The following TTF1 variants were observed in gnomAD, a reference collection of about 807,000 sequenced individuals.
TTF1 encodes transcription termination factor, RNA polymerase I.
A neutral mutation model predicts 80.2 loss-of-function variants in TTF1; 64 were observed. That is an observed-to-expected ratio of 0.80 (90% CI 0.65 to 0.98). The LOEUF is 0.98. Among genes scored for constraint, TTF1 ranks in the 50% least tolerant of loss-of-function variants. The probability of loss-of-function intolerance (pLI) is 0.00; values close to 1 mark genes in which losing one functional copy is unlikely to be tolerated. For missense variants in TTF1, 1,023 were observed against 1,086.2 expected (o/e 0.94, Z 0.82); for synonymous variants, 372 against 382.7 (o/e 0.97, Z 0.33).
chr9:132,379,205 C>G, intron 9 of TTF1, 61 bp from the exon 10 acceptor site: 1 of 1,260,348 alleles, frequency 7.9e-7, no homozygotes, highest in Non-Finnish European at 1.1e-6. Flanking sequence ...CATTTCAATA[C>G]AGTGTAGTAA....
chr9:132,389,547 T>A (rs1849525527), intron 7 of TTF1, among the ~76,000 whole-genome samples: 1 of 152,204 alleles, frequency 6.6e-6, no homozygotes, highest in Non-Finnish European at 1.5e-5. Flanking sequence ...ACATTCCCTG[T>A]TCTTTGGAGT....
Position 132,402,156 on chromosome 9 carries a change from T to G in TTF1, c.666A>C (p.Lys222Asn). ...ATTCCCGGTTACTGGACTTTTTCTTTTTTTTCTTAGACTTGTTTTTATGAG... is the reference window on the plus strand; with the variant it reads ...ATTCCCGGTTACTGGACTTTTTCTTGTTTTTCTTAGACTTGTTTTTATGAG... ...ASAHKNKSKK[K>N]KKKSSNREYE... The change falls in exon 2 of 11, where the codon AAA (lysine) becomes AAC (asparagine). Residue 222 changes from lysine (K) to asparagine (N), a missense_variant. Transcript: ENST00000334270. 1.9e-6 allele frequency: 3 copies of G among 1,614,132 alleles called. No individual in the cohort carries two copies. The highest frequency in any genetic ancestry group is 2.5e-6 in the Non-Finnish European group (3 of 1,180,032).
At chr9:132,386,031 G>A (rs1047299362) in intron 9 of TTF1, among the ~76,000 whole-genome samples, 3 of 151,998 alleles carry the variant, frequency 2.0e-5, no homozygotes, top group Non-Finnish European at 4.4e-5. Flanking sequence ...TTCAATAATT[G>A]GAATTGATAA....
Position 132,376,043 on chromosome 9 carries a change from C to G in TTF1, c.2590G>C (p.Asp864His). Residue 864 changes from aspartate to histidine, a missense_variant, in exon 11 of 11, where the codon GAC (aspartate) becomes CAC (histidine). Transcript: ENST00000334270. ...AAPKQVFPFR[D>H]IFYYEDDSEG... ...CTATCGTCTTCATAATAAAAGATGT[C>G]TCGAAATGGGAAAACTTGCTTGGGT... 1 of 1,614,176 alleles carries G rather than the reference C, an allele frequency of 6.2e-7. No individual in the cohort carries two copies. Among genetic ancestry groups the G allele is most frequent in the Non-Finnish European group, 8.5e-7 (1 of 1,180,036 alleles).
intron 7 of TTF1, among the ~76,000 whole-genome samples, chr9:132,389,337 C>A (rs903103751): frequency 1.3e-5 from 2 of 151,982 alleles, no homozygotes; most frequent in Admixed American, 1.3e-4. Flanking sequence ...TGCCCGCCAT[C>A]CCGCCGGCTA....
intron 1 of TTF1, 106 bp from the exon 2 acceptor site, chr9:132,402,934 C>T: frequency 9.1e-7 from 1 of 1,100,468 alleles, no homozygotes; most frequent in Non-Finnish European, 1.3e-6. Context: ...CGGCTCACTG[C>T]AAGCTCCGCC....
intron 7 of TTF1, among the ~76,000 whole-genome samples, chr9:132,389,752 TC>T (rs1250079668): frequency 6.6e-6 from 1 of 152,190 alleles, no homozygotes; most frequent in Non-Finnish European, 1.5e-5. Context: ...GACATCCAGC[TC>T]CGCGACTCTC....
At chr9:132,377,840 GGTGT>G (rs1405022199) in intron 10 of TTF1, among the ~76,000 whole-genome samples, 2 of 135,612 alleles carry the variant, frequency 1.5e-5, no homozygotes, top group African/African-American at 5.7e-5. Context: ...GAATGCATGT[GGTGT>G]GTGTGAATGC....
chr9:132,377,615 TGTG>T (rs1849236414), intron 10 of TTF1, among the ~76,000 whole-genome samples: 1 of 65,658 alleles, frequency 1.5e-5, no homozygotes, highest in African/African-American at 5.2e-5. Context: ...TGTGAATGCA[TGTG>T]GTGTGAGTGC....
rs770813844 is a variant in TTF1, at chr9:132,390,668, G to A, written c.2151C>T (p.Tyr717=). ...CTACTTCTACCCAAGATATGCCCTT[G>A]TAGAGTTTTTCCCGAACAATTGATA... is the stretch of plus-strand genomic sequence containing the variant. The part of the protein sequence containing the change: ...SCLSIVREKL[Y]KGISWVEVEA... Residue 717 remains tyrosine (Y), a synonymous_variant, in exon 7 of 11, where the codon TAC becomes TAT. Coordinates refer to ENST00000334270, the MANE Select transcript of TTF1 (RefSeq NM_007344.4). 21 of 1,614,116 alleles carry A rather than the reference G, an allele frequency of 1.3e-5. No individual in the cohort carries two copies. Among genetic ancestry groups the A allele is most frequent in the African/African-American group, 1.2e-4 (9 of 74,936 alleles).
chr9:132,385,641 T>C (rs1197346341), intron 9 of TTF1, among the ~76,000 whole-genome samples: 1 of 152,220 alleles, frequency 6.6e-6, no homozygotes, highest in African/African-American at 2.4e-5. Flanking sequence ...TCTGCTTCCA[T>C]AGTCTTCCCT....
intron 6 of TTF1, 144 bp from the exon 7 acceptor site, chr9:132,390,975 C>G: frequency 1.4e-6 from 1 of 713,304 alleles, no homozygotes; most frequent in South Asian, 2.0e-5. Flanking sequence ...CAATTATGTG[C>G]ATATTAAAAT....
At chr9:132,398,022 A>G in intron 4 of TTF1, 119 bp downstream of exon 4, 2 of 719,912 alleles carry the variant, frequency 2.8e-6, no homozygotes, top group Non-Finnish European at 4.3e-6. Flanking sequence ...CCATCACAGC[A>G]GTTAATGTGC....
chr9:132,377,161 TGAGTGCATGCATGTG>T (rs1455218813), intron 10 of TTF1, among the ~76,000 whole-genome samples: 1 of 150,014 alleles, frequency 6.7e-6, no homozygotes, highest in East Asian at 2.0e-4. Flanking sequence ...ATGCATGTGG[TGAGTGCATGCATGTG>T]GTGTGTGAGT....
intron 5 of TTF1, among the ~76,000 whole-genome samples, chr9:132,392,492 C>T (rs1589822161): frequency 1.3e-5 from 2 of 152,326 alleles, no homozygotes; most frequent in African/African-American, 4.8e-5. Context: ...AACGGCCTTC[C>T]TCCACCCGAC....
chr9:132,379,234 G>A (rs895043204), intron 9 of TTF1, 90 bp from the exon 10 acceptor site: 10 of 912,570 alleles, frequency 1.1e-5, no homozygotes, highest in Admixed American at 3.0e-5. Context: ...ATTCAGGTGA[G>A]GTTTATAGTT....
At chr9:132,397,541 C>T (rs374758340) in intron 4 of TTF1, among the ~76,000 whole-genome samples, 1 of 152,212 alleles carries the variant, frequency 6.6e-6, no homozygotes, top group South Asian at 2.1e-4. Context: ...CTTTGTGTAG[C>T]GTACACAAAA....
chr9:132,378,129 GGTGT>G (rs1168581731), intron 10 of TTF1, among the ~76,000 whole-genome samples: 22 of 104,046 alleles, frequency 2.1e-4, no homozygotes, highest in South Asian at 9.5e-4. Context: ...GCATGCATGT[GGTGT>G]GTGTGAGTGC....
At chr9:132,379,242 GTTTT>G in intron 9 of TTF1, 98 bp from the exon 10 acceptor site, 4 of 831,280 alleles carry the variant, frequency 4.8e-6, no homozygotes, top group Non-Finnish European at 7.1e-6. Flanking sequence ...GAGGTTTATA[GTTTT>G]TTTTATCGTA....
Sources: gnomAD v4.1 joint callset for allele counts (sites outside exome capture counted in the v4.1 genomes callset) on GRCh38, gnomAD v4.1.1 for gene constraint, MANE v1.5 for transcripts, NCBI Gene and HGNC (gene_info 2026-07-23, HGNC 2026-07-21) for gene names.